Variants in ADAM22 observed in about 807,000 individuals in gnomAD.
ADAM22 encodes disintegrin and metalloproteinase domain-containing protein 22.
In ADAM22, 65 loss-of-function variants were observed where a neutral mutation model predicts 144.6. That is an observed-to-expected ratio of 0.45 (90% confidence interval 0.37 to 0.55). The LOEUF (loss-of-function observed/expected upper bound fraction) is 0.55, where lower values mean the gene tolerates loss of function less well. ADAM22 is among the 20% of genes least tolerant of loss of function. The pLI, the probability that ADAM22 is intolerant of heterozygous loss-of-function variation, is 0.00. For synonymous variants in ADAM22, 391 were observed against 412.6 expected, an observed-to-expected ratio of 0.95 and a Z score of 0.63; for missense variants, 974 against 1,184.9, an observed-to-expected ratio of 0.82 and a Z score of 2.61.
At chr7:88,190,071 G>A (rs1849273545) in intron 30 of ADAM22, among the ~76,000 whole-genome samples, 1 of 152,214 alleles carries the variant, frequency 6.6e-6, no homozygotes, top group African/African-American at 2.4e-5. Context: ...TTTTTAGCCT[G>A]TCCTTGGGTG....
At chr7:88,142,048 A>G (rs552987676) in intron 14 of ADAM22, among the ~76,000 whole-genome samples, 4 of 151,924 alleles carry the variant, frequency 2.6e-5, no homozygotes, top group Non-Finnish European at 5.9e-5. Context: ...ACATTTTTTT[A>G]AAAAAAACCT....
At chr7:88,139,172 C>G (rs1306414310) in intron 14 of ADAM22, among the ~76,000 whole-genome samples, 3 of 152,174 alleles carry the variant, frequency 2.0e-5, no homozygotes, top group Non-Finnish European at 4.4e-5. Context: ...AATCCCAGCA[C>G]TTTGGGAGGC....
chr7:88,026,142 TG>T (rs1469014390), intron 3 of ADAM22, among the ~76,000 whole-genome samples: 1 of 152,230 alleles, frequency 6.6e-6, no homozygotes, highest in African/African-American at 2.4e-5. Flanking sequence ...CAGTAATTGC[TG>T]TTAGCATGTG....
chr7:88,113,152 G>A (rs1038676832), intron 5 of ADAM22, among the ~76,000 whole-genome samples: 10 of 132,688 alleles, frequency 7.5e-5, no homozygotes, highest in African/African-American at 2.6e-4. Context: ...TTTTGAGACA[G>A]GGTCTCACTC....
At chr7:88,138,967 G>A (rs1012447966) in intron 14 of ADAM22, among the ~76,000 whole-genome samples, 2 of 152,224 alleles carry the variant, frequency 1.3e-5, no homozygotes, top group African/African-American at 4.8e-5. Flanking sequence ...TGGGCAGGAG[G>A]GTGGGCTTGG....
chr7:88,116,306 C>T (rs1827738883), intron 6 of ADAM22, among the ~76,000 whole-genome samples: 2 of 152,032 alleles, frequency 1.3e-5, no homozygotes, highest in Non-Finnish European at 2.9e-5. Context: ...GAACAGGGTC[C>T]ACTTTGGACA....
chr7:88,077,802 G>A (rs957850578), intron 4 of ADAM22, among the ~76,000 whole-genome samples: 2 of 152,170 alleles, frequency 1.3e-5, no homozygotes, highest in African/African-American at 2.4e-5. Flanking sequence ...GGGGAGGGGC[G>A]CTCACCATTG....
chr7:87,979,447 A>G (rs916499261), intron 3 of ADAM22, among the ~76,000 whole-genome samples: 8 of 152,114 alleles, frequency 5.3e-5, no homozygotes, highest in African/African-American at 1.9e-4. Context: ...TCCCTCATCT[A>G]CTTAATACCT....
At chr7:88,035,460 G>T (rs1801307096) in intron 3 of ADAM22, among the ~76,000 whole-genome samples, 1 of 152,328 alleles carries the variant, frequency 6.6e-6, no homozygotes, top group Non-Finnish European at 1.5e-5. Context: ...TGCTGGGCTG[G>T]TGTAGACAGC....
chr7:88,017,391 A>G (rs975235954), intron 3 of ADAM22, among the ~76,000 whole-genome samples: 2 of 152,212 alleles, frequency 1.3e-5, no homozygotes, highest in African/African-American at 2.4e-5. Context: ...ATAAATATGT[A>G]TAATTATTAT....
rs769632258 is a variant in ADAM22 at position 88,130,448 on chromosome 7, A to C, written c.814A>C (p.Met272Leu). ...TNTYAKSVVN[M>L]ADLIYKDQLK... ...TACCTATGCGAAATCTGTGGTGAAC[A>C]TGGCAGATTTAGTAAGTATCAACCC... Residue 272 changes from methionine to leucine, a missense_variant, in exon 10 of 32, where the codon ATG (methionine) becomes CTG (leucine). Physicochemically the swap from Met to Leu is conservative, Grantham distance 15. Transcript: ENST00000413139. 3 of 1,613,088 alleles carry C rather than the reference A, an allele frequency of 1.9e-6. No individual in the cohort carries two copies. In the Admixed American group the frequency reaches 5.0e-5, roughly 27 times the overall value.
At chr7:88,112,253 A>C (rs1826248057) in intron 5 of ADAM22, among the ~76,000 whole-genome samples, 1 of 152,198 alleles carries the variant, frequency 6.6e-6, no homozygotes, top group Non-Finnish European at 1.5e-5. Context: ...GTGGCTGAAA[A>C]CAGTGCAGCT....
At chr7:88,160,192 A>G (rs894394176) in intron 22 of ADAM22, among the ~76,000 whole-genome samples, 5 of 152,120 alleles carry the variant, frequency 3.3e-5, no homozygotes, top group Non-Finnish European at 7.4e-5. Flanking sequence ...GAATACAGCT[A>G]GTCAGGGAGG....
Position 88,150,988 on chromosome 7 carries a change from C to T in ADAM22, c.1574C>T (p.Pro525Leu), listed in dbSNP as rs949944867. Residue 525 changes from proline to leucine, a missense_variant, in exon 19 of 32, where the codon CCT (proline) becomes CTT (leucine). This residue lies in a region of ADAM22 where 734 missense variants were observed against 950.6 expected (regional missense o/e 0.77). Coordinates refer to ENST00000413139, the MANE Select transcript of ADAM22 (RefSeq NM_001324418.2). The stretch of plus-strand genomic sequence containing the variant: ...TTGTTCTCTTTTTCCTAGTGTGCCC[C>T]TAATATTCATAAAATGGATGGATAT... The part of the protein sequence containing the change: ...TCSGNSSQCA[P>L]NIHKMDGYSC... 1 of 1,613,394 alleles carries T rather than the reference C, an allele frequency of 6.2e-7. No homozygotes were observed. Among genetic ancestry groups the T allele is most frequent in the Non-Finnish European group, 8.5e-7 (1 of 1,179,548 alleles).
intron 2 of ADAM22, among the ~76,000 whole-genome samples, chr7:87,955,293 G>T (rs1460990439): frequency 1.3e-5 from 2 of 152,154 alleles, no homozygotes; most frequent in African/African-American, 4.8e-5. Flanking sequence ...TGATGATGGT[G>T]ATGTACAGAT....
At chr7:88,088,469 C>T (rs574250223) in intron 4 of ADAM22, among the ~76,000 whole-genome samples, 1 of 148,692 alleles carries the variant, frequency 6.7e-6, no homozygotes, top group East Asian at 2.0e-4. Flanking sequence ...AAAATCCTGC[C>T]TTAATCGTTT....
intron 3 of ADAM22, among the ~76,000 whole-genome samples, chr7:88,045,117 A>T (rs1037033601): frequency 4.0e-5 from 6 of 151,208 alleles, no homozygotes; most frequent in African/African-American, 1.5e-4. Flanking sequence ...TCCCGGGTTC[A>T]GGCGACTCTC....
chr7:87,950,390 T>C (rs911009319), intron 2 of ADAM22, among the ~76,000 whole-genome samples: 1 of 147,776 alleles, frequency 6.8e-6, no homozygotes, highest in African/African-American at 2.5e-5. Flanking sequence ...CATGCGGTGT[T>C]TGGTTTTTTG....
chr7:88,071,877 T>C (rs1397110167), intron 3 of ADAM22, among the ~76,000 whole-genome samples: 2 of 152,126 alleles, frequency 1.3e-5, no homozygotes, highest in East Asian at 1.9e-4. Context: ...TAAAATTTCC[T>C]TTATGTTAAG....
Sources: gnomAD v4.1 joint callset for allele counts (sites outside exome capture counted in the v4.1 genomes callset) on GRCh38, gnomAD v4.1.1 for gene constraint, gnomAD v4.1.1 regional missense constraint, MANE v1.5 for transcripts, NCBI Gene and HGNC (gene_info 2026-07-23, HGNC 2026-07-21) for gene names.